The following RP9 variants were observed in gnomAD, a reference collection of about 807,000 sequenced individuals.
The protein encoded by RP9 is RP9 pre-mRNA splicing factor.
A neutral mutation model predicts 32.6 loss-of-function variants in RP9; 23 were observed. The observed-to-expected ratio is 0.71, with a 90% CI of 0.51 to 1.00. The LOEUF (loss-of-function observed/expected upper bound fraction) is 1.00, where lower values mean the gene tolerates loss of function less well. RP9 is among the 50% of genes least tolerant of loss of function. The pLI, the probability that RP9 is intolerant of heterozygous loss-of-function variation, is 0.00. For synonymous variants in RP9, 94 were observed against 103.6 expected (o/e 0.91, Z 0.56); for missense variants, 245 against 285.3 (o/e 0.86, Z 1.02).
At chr7:33,101,868 G>A (rs1034823016) in intron 1 of RP9, among the ~76,000 whole-genome samples, 35 of 152,182 alleles carry the variant, frequency 2.3e-4, no homozygotes, top group Non-Finnish European at 4.1e-4. Context: ...TTGTGAAGAT[G>A]ATAGTTTATC....
At chr7:33,107,759 T>C (rs774700248) in intron 1 of RP9, among the ~76,000 whole-genome samples, 8 of 152,270 alleles carry the variant, frequency 5.3e-5, no homozygotes, top group Non-Finnish European at 8.8e-5. Context: ...ATATGAATTA[T>C]GTTTTTTAAA....
In RP9 at chr7:33,109,252, G is replaced by T; in HGVS notation, c.121C>A (p.Gln41Lys). The T allele has an allele frequency of 6.7e-7, 1 of 1,495,904 alleles. No individual in the cohort carries two copies. Among genetic ancestry groups the T allele is most frequent in the Admixed American group, 2.2e-5 (1 of 46,284 alleles). 92.7% of individuals were successfully genotyped at this position (1,495,904 alleles called of 1,614,324 possible). A position where few individuals can be genotyped will look rare whatever the true frequency, so the allele number is the denominator to read the frequency against. Residue 41 changes from glutamine to lysine, a missense_variant, in exon 1 of 6, where the codon CAG becomes AAG. By Grantham distance (53) the Gln-to-Lys change is moderately conservative (BLOSUM62 1). Coordinates refer to ENST00000297157, the MANE Select transcript of RP9 (RefSeq NM_203288.2). This position sits in a 1 kb window ranked among gnomAD's most constrained non-coding sequence, Gnocchi z 4.9. ...TCCAGGTGCTTGAGCTGCTGCAGCT[G>T]CTGCGCGTCGTGTCGCCGCCGCTTC... ...EQKRRRHDAQ[Q>K]LQQLKHLESF...
At chr7:33,101,906 C>T (rs1244969491) in intron 1 of RP9, among the ~76,000 whole-genome samples, 3 of 152,144 alleles carry the variant, frequency 2.0e-5, no homozygotes, top group African/African-American at 4.8e-5. Flanking sequence ...AACATTAATG[C>T]TATACCTTAT....
At position 33,096,487 on chromosome 7, in the gene RP9, C is replaced by A. The variant is rs896206340; in HGVS notation, c.467+6G>T. The A allele has an allele frequency of 2.5e-6, 4 of 1,603,002 alleles. No individual in the cohort carries two copies. The highest frequency in any genetic ancestry group is 3.4e-6 in the Non-Finnish European group (4 of 1,169,944). ...GGGGATATTGTTATCATCAGGACGA[C>A]CTCACCTTACGTCCTTTTCATGTCG... On this transcript the variant is annotated splice_donor_region_variant and intron_variant, in intron 5 of 5. Transcript: ENST00000297157.
chr7:33,109,325 C>CCGCG lies in RP9; in HGVS notation c.44_47dup (p.Arg17AlafsTer5). On this transcript the variant is annotated frameshift_variant, in exon 1 of 6. Coordinates refer to ENST00000297157, the MANE Select transcript of RP9 (RefSeq NM_203288.2). LOFTEE classifies it high-confidence loss of function. The surrounding 1 kb of genome is among the most constrained non-coding windows in gnomAD (Gnocchi z 4.9). ...CCTGCTCCGGCGGCTCACGCGGCCG[C>CCGCG]CGCGCGCCCGCAGCCCCCACGTCCT... 1 of 1,457,758 alleles carries CCGCG rather than the reference C, an allele frequency of 6.9e-7. No individual in the cohort carries two copies. The highest frequency in any genetic ancestry group is 9.0e-7 in the Non-Finnish European group (1 of 1,109,252). 90.3% of individuals were successfully genotyped at this position (1,457,758 alleles called of 1,614,324 possible).
At chr7:33,096,588 G>A (rs900451115) in intron 4 of RP9, 34 bp from the exon 5 acceptor site, 1 of 1,431,748 alleles carries the variant, frequency 7.0e-7, no homozygotes, top group African/African-American at 1.4e-5. Flanking sequence ...GTTTGGTTAG[G>A]CTTCATGGAT....
Position 33,099,330 on chromosome 7 carries a change from C to T in RP9, c.290G>A (p.Gly97Glu), listed in dbSNP as rs936809079. The change falls in exon 3 of 6, where the codon GGG (glycine) becomes GAG (glutamate). Residue 97 changes from glycine to glutamate, a missense_variant. Transcript: ENST00000297157. ...APTKGLWMPL[G>E]KEVKVMQCWR... ...ACACTGCATAACTTTGACTTCTTTC[C>T]CCAGTGGCATCCAAAGTCCTTTAGT... 6.2e-7 allele frequency: 1 copy of T among 1,613,364 alleles called. No homozygotes were observed. Among genetic ancestry groups the T allele is most frequent in the Non-Finnish European group, 8.5e-7 (1 of 1,179,962 alleles).
chr7:33,098,555 C>G (rs772268399), intron 3 of RP9, among the ~76,000 whole-genome samples: 7 of 152,118 alleles, frequency 4.6e-5, no homozygotes, highest in Non-Finnish European at 8.8e-5. Flanking sequence ...TCCCTCCACT[C>G]GGCTCCCAGA....
rs144138970 is a variant in RP9, at chr7:33,109,030, G to C, written c.152+191C>G. On this transcript the variant is annotated intron_variant, in intron 1 of 5. Transcript: ENST00000297157. The surrounding 1 kb of genome is among the most constrained non-coding windows in gnomAD (Gnocchi z 4.9). ...GTTGGCTCCCTGAACGCCCCGCCAG[G>C]AGGATGGACTTCAAGTCCTTGACCG... Among the ~76,000 whole-genome samples the C allele has an allele frequency of 2.5e-3, 381 of 152,220 alleles. No homozygotes were observed. The highest frequency in any genetic ancestry group is 4.1e-3 in the Non-Finnish European group (277 of 68,008).
chr7:33,100,843 G>A, intron 1 of RP9: 2 of 578,466 alleles, frequency 3.5e-6, no homozygotes, highest in Non-Finnish European at 3.3e-6. Context: ...TCTCCAGATG[G>A]GACAGGCAGC....
intron 1 of RP9, among the ~76,000 whole-genome samples, chr7:33,103,960 A>T (rs1051766524): frequency 6.6e-6 from 1 of 152,214 alleles, no homozygotes; most frequent in Non-Finnish European, 1.5e-5. Flanking sequence ...ACAAAAGACA[A>T]CAAAAAAGAA....
rs1030956954 is a variant in RP9, at chr7:33,108,502, T to C, written c.152+719A>G. Among the ~76,000 whole-genome samples, 3 of 152,246 alleles carry C rather than the reference T, an allele frequency of 2.0e-5. No individual in the cohort carries two copies. The East Asian group carries it at 5.8e-4, about 29-fold the overall frequency. On this transcript the variant is annotated intron_variant, in intron 1 of 5. Transcript: ENST00000297157. ...CTAAAATAAAGTATGACTGCTTTTT[T>C]TCCTTTTGTTCTTATTATTTTTCGA...
Position 33,097,352 on chromosome 7 carries a change from G to C in RP9, c.324C>G (p.Cys108Trp). 2.5e-6 allele frequency: 4 copies of C among 1,612,878 alleles called. No homozygotes were observed. Among genetic ancestry groups the C allele is most frequent in the Non-Finnish European group, 3.4e-6 (4 of 1,178,982 alleles). ...KEVKVMQCWR[C>W]KRYGHRTGDK... ...CACCCGTTCGGTGACCATAGCGTTT[G>C]CAACGCCAACCTAAAAACGAAAAGA... The change falls in exon 4 of 6, where the codon TGC (cysteine) becomes TGG (tryptophan). Residue 108 changes from cysteine (C) to tryptophan (W), a missense_variant. Physicochemically the swap from Cys to Trp is radical, Grantham distance 215 (BLOSUM62 -2). This residue lies in a region of RP9 where 182 missense variants were observed against 175.5 expected (regional missense o/e 1.04). Transcript: ENST00000297157.
At chr7:33,106,414 G>C (rs1242349976) in intron 1 of RP9, among the ~76,000 whole-genome samples, 4 of 152,074 alleles carry the variant, frequency 2.6e-5, no homozygotes, top group African/African-American at 9.7e-5. Flanking sequence ...GGCCTCAAGC[G>C]ATCTTCCCAC....
chr7:33,099,588 ACCTGATTG>A, intron 2 of RP9, 152 bp from the exon 3 acceptor site: 1 of 764,908 alleles, frequency 1.3e-6, no homozygotes. Flanking sequence ...GACAAGTTAC[ACCTGATTG>A]AAAAAACAGG....
intron 1 of RP9, among the ~76,000 whole-genome samples, chr7:33,105,377 A>G (rs1788484491): frequency 1.3e-5 from 2 of 152,060 alleles, no homozygotes; most frequent in South Asian, 2.1e-4. Context: ...TTTCTTCCCC[A>G]AAGCAGTCAG....
In RP9 at chr7:33,107,197, G is replaced by A. The variant is rs554814532; in HGVS notation, c.152+2024C>T. 7.2e-5 allele frequency among the ~76,000 whole-genome samples: 11 copies of A among 152,252 alleles called. No individual in the cohort carries two copies. The East Asian group carries it at 7.7e-4, about 11-fold the overall frequency. On this transcript the variant is annotated intron_variant, in intron 1 of 5. Coordinates refer to ENST00000297157, the MANE Select transcript of RP9 (RefSeq NM_203288.2). ...AACTGGCCAAAGCAAATGTCTCAAC[G>A]GCTCATTCAGTTTTAAATCTCAGAA...
In RP9 at chr7:33,109,162, C is replaced by CGCCCCGG; in HGVS notation, c.152+52_152+58dup. ...GCCTAGCGCCCACCGCGGCGTCCCG[C>CGCCCCGG]GCCCCGGGCCCCTGGCTTCAGAAGA... On this transcript the variant is annotated intron_variant, in intron 1 of 5. Coordinates refer to ENST00000297157, the MANE Select transcript of RP9 (RefSeq NM_203288.2). The surrounding 1 kb of genome is among the most constrained non-coding windows in gnomAD (Gnocchi z 4.9). The CGCCCCGG allele has an allele frequency of 6.8e-7, 1 of 1,465,478 alleles. No homozygotes were observed. The allele number at this position is 1,465,478 out of a possible 1,614,324, so 90.8% of individuals were successfully genotyped here. A position where few individuals can be genotyped will look rare whatever the true frequency, so the allele number is the denominator to read the frequency against.
chr7:33,100,809 G>C, intron 1 of RP9: 2 of 650,546 alleles, frequency 3.1e-6, no homozygotes, highest in Non-Finnish European at 5.8e-6. Flanking sequence ...ACCCAGAGGA[G>C]ACCCAGAATG....
Sources: allele counts gnomAD v4.1 joint callset (sites outside exome capture counted in the v4.1 genomes callset), GRCh38; gene constraint gnomAD v4.1.1; regional missense constraint gnomAD v4.1.1; non-coding constraint Gnocchi (gnomAD v3.1); transcripts MANE v1.5; gene names NCBI Gene and HGNC (gene_info 2026-07-23, HGNC 2026-07-21).